NAV3: variants seen among roughly 807,000 people sequenced by gnomAD.
The protein encoded by NAV3 is pore membrane and/or filament interacting like protein 1.
NAV3 carries 87 observed loss-of-function variants against 244.7 expected under a neutral mutation model. The observed-to-expected ratio is 0.36, with a 90% CI of 0.30 to 0.42. The LOEUF (loss-of-function observed/expected upper bound fraction) is 0.42, where lower values mean the gene tolerates loss of function less well. Ranked by LOEUF, NAV3 falls within the 20% of genes least tolerant of loss-of-function variation. The pLI is 1.00. For synonymous variants in NAV3, 1,126 were observed against 1,042.2 expected, an observed-to-expected ratio of 1.08 and a Z score of -1.55; for missense variants, 2,663 against 2,893.3, an observed-to-expected ratio of 0.92 and a Z score of 1.83.
intron 2 of NAV3, among the ~76,000 whole-genome samples, chr12:77,723,123 G>A (rs1224636835): frequency 6.6e-6 from 1 of 151,934 alleles, no homozygotes; most frequent in Non-Finnish European, 1.5e-5. Flanking sequence ...TCTATTCAGA[G>A]AGACAGAGAC....
At chr12:78,024,751 G>T (rs1877720603) in intron 9 of NAV3, among the ~76,000 whole-genome samples, 1 of 152,030 alleles carries the variant, frequency 6.6e-6, no homozygotes, top group African/African-American at 2.4e-5. Context: ...GCCAAGGTGG[G>T]CAGATCACGA....
At chr12:77,703,786 A>G (rs1022996505) in intron 2 of NAV3, among the ~76,000 whole-genome samples, 2 of 152,176 alleles carry the variant, frequency 1.3e-5, no homozygotes, top group Non-Finnish European at 2.9e-5. Context: ...TTTCAAAATG[A>G]AAATAAGATC....
intron 2 of NAV3, among the ~76,000 whole-genome samples, chr12:77,634,685 A>G (rs1872076297): frequency 6.6e-6 from 1 of 152,170 alleles, no homozygotes; most frequent in African/African-American, 2.4e-5. Flanking sequence ...ATCTGTGCAT[A>G]TTAATGATGG....
At chr12:77,807,155 G>C (rs1490173782) in intron 2 of NAV3, among the ~76,000 whole-genome samples, 1 of 152,140 alleles carries the variant, frequency 6.6e-6, no homozygotes, top group African/African-American at 2.4e-5. Context: ...TCTGTTAATT[G>C]GTGCATTTAA....
At chr12:77,774,057 A>AT (rs1870232433) in intron 2 of NAV3, among the ~76,000 whole-genome samples, 1 of 152,136 alleles carries the variant, frequency 6.6e-6, no homozygotes, top group South Asian at 2.1e-4. Flanking sequence ...TTGTGTTTAT[A>AT]TTTTTTTACA....
chr12:78,152,721 G>C (rs1957124149), intron 22 of NAV3, among the ~76,000 whole-genome samples: 1 of 151,840 alleles, frequency 6.6e-6, no homozygotes, highest in Non-Finnish European at 1.5e-5. Context: ...TACTTAAATT[G>C]ATTATAGGGA....
chr12:77,747,732 G>A (rs1056904295), intron 2 of NAV3, among the ~76,000 whole-genome samples: 4 of 152,086 alleles, frequency 2.6e-5, no homozygotes, highest in African/African-American at 4.8e-5. Flanking sequence ...TGTCCTTTGT[G>A]GGGACATGGA....
intron 2 of NAV3, among the ~76,000 whole-genome samples, chr12:77,671,079 A>G (rs900128852): frequency 2.6e-5 from 4 of 152,134 alleles, no homozygotes; most frequent in Admixed American, 2.6e-4. Flanking sequence ...CGGTAAATGA[A>G]TTCAGCAAAG....
At chr12:77,800,127 T>A (rs1370959750) in intron 2 of NAV3, among the ~76,000 whole-genome samples, 1 of 152,170 alleles carries the variant, frequency 6.6e-6, no homozygotes, top group Non-Finnish European at 1.5e-5. Context: ...GGAACATCAG[T>A]GGTAGCATTA....
At chr12:77,794,497 C>T (rs927912678) in intron 2 of NAV3, among the ~76,000 whole-genome samples, 5 of 152,196 alleles carry the variant, frequency 3.3e-5, no homozygotes, top group Admixed American at 6.5e-5. Context: ...TATCTAAATT[C>T]ATGTTATTTT....
At chr12:78,058,948 G>T in intron 11 of NAV3, 48 bp from the exon 12 acceptor site, 1 of 1,531,558 alleles carries the variant, frequency 6.5e-7, no homozygotes, top group Non-Finnish European at 8.8e-7. Flanking sequence ...AAATTGTACA[G>T]TTGAGTTGAT....
rs560493171 is a variant in NAV3 at position 78,212,465 on chromosome 12, C to T, written c.*1948C>T. ...AATAGGTCCTTACACGGTGCTATTGCCCTAAGGGAAATCCGAACTGAATTT... is the reference window on the plus strand; with the variant it reads ...AATAGGTCCTTACACGGTGCTATTGTCCTAAGGGAAATCCGAACTGAATTT... On this transcript the variant is annotated 3_prime_UTR_variant, in exon 40 of 40. Coordinates refer to ENST00000397909, the MANE Select transcript of NAV3 (RefSeq NM_001024383.2). 3 of 152,728 alleles carry T rather than the reference C, an allele frequency of 2.0e-5. No homozygotes were observed. Among genetic ancestry groups the T allele is most frequent in the South Asian group, 2.1e-4 (1 of 4,816 alleles). The allele number at this position is 152,728 out of a possible 1,614,324, so 9.5% of individuals were successfully genotyped here.
intron 22 of NAV3, 57 bp downstream of exon 22, chr12:78,148,976 A>T: frequency 7.2e-7 from 1 of 1,387,288 alleles, no homozygotes; most frequent in Non-Finnish European, 1.0e-6. Context: ...GGAAAATGAA[A>T]TCATTTTAGT....
chr12:78,030,769 A>G (rs1878843050), intron 9 of NAV3, among the ~76,000 whole-genome samples: 1 of 152,206 alleles, frequency 6.6e-6, no homozygotes, highest in Non-Finnish European at 1.5e-5. Flanking sequence ...GAAACAACTA[A>G]CTTAGCTGTA....
intron 1 of NAV3, among the ~76,000 whole-genome samples, chr12:77,891,314 T>G (rs1310069340): frequency 6.7e-6 from 1 of 149,064 alleles, no homozygotes; most frequent in East Asian, 1.9e-4. Context: ...AAAGATAAAT[T>G]TATAAAGATA....
At chr12:77,997,505 A>G (rs1420554744) in intron 6 of NAV3, among the ~76,000 whole-genome samples, 1 of 152,156 alleles carries the variant, frequency 6.6e-6, no homozygotes, top group East Asian at 1.9e-4. Flanking sequence ...ACCACCTCTA[A>G]TTATAAGATA....
intron 2 of NAV3, among the ~76,000 whole-genome samples, chr12:77,652,165 G>A (rs1872854772): frequency 5.3e-5 from 8 of 152,180 alleles, no homozygotes; most frequent in Admixed American, 5.2e-4. Flanking sequence ...ACTCAGAACA[G>A]TATTTAACAA....
chr12:77,610,863 G>T lies in NAV3; in HGVS notation c.72+38597G>T, dbSNP rs565225622. 4.8e-4 allele frequency among the ~76,000 whole-genome samples: 73 copies of T among 151,922 alleles called. 2 individuals carry two copies. The highest frequency in any genetic ancestry group is 1.2e-4 in the Non-Finnish European group (8 of 67,940). ...ATATTTTAAGAGTCCGTGTATGTTT[G>T]ATGAAGATGTGTGTGATTGATAAAC... On this transcript the variant is annotated intron_variant, in intron 2 of 8. Coordinates refer to the NAV3 transcript ENST00000550042.
chr12:78,140,674 G>T (rs760240970), intron 20 of NAV3, among the ~76,000 whole-genome samples: 1 of 151,998 alleles, frequency 6.6e-6, no homozygotes. Context: ...GTAATGACGA[G>T]TTGTCCATGT....
Sources: allele counts gnomAD v4.1 joint callset (sites outside exome capture counted in the v4.1 genomes callset), GRCh38; gene constraint gnomAD v4.1.1; transcripts MANE v1.5; gene names NCBI Gene and HGNC (gene_info 2026-07-23, HGNC 2026-07-21).